The following CSMD1 variants were observed in gnomAD, a reference collection of about 807,000 sequenced individuals.
CSMD1 encodes the protein CUB and Sushi multiple domains 1, also known as CUB and sushi domain-containing protein 1.
A neutral mutation model predicts 417.5 loss-of-function variants in CSMD1; 213 were observed. That is an observed-to-expected ratio of 0.51 (90% confidence interval 0.46 to 0.57). The LOEUF (loss-of-function observed/expected upper bound fraction) is 0.57, where lower values mean the gene tolerates loss of function less well. CSMD1 is among the 20% of genes least tolerant of loss of function. The pLI is 0.00. For missense variants in CSMD1, 6,923 were observed against 4,529.7 expected (o/e 1.53, Z -15.17); for synonymous variants, 2,862 against 1,736.8 (o/e 1.65, Z -16.11).
At chr8:3,444,563 G>A (rs28419735) in intron 12 of CSMD1, among the ~76,000 whole-genome samples, 14,008 of 152,144 alleles carry the variant, frequency 0.092, 739 homozygotes, top group Middle Eastern at 0.14. Flanking sequence ...CTGAGGGTGA[G>A]GATGCTACTG....
At chr8:3,416,033 G>A (rs1231487418) in intron 12 of CSMD1, among the ~76,000 whole-genome samples, 6 of 152,046 alleles carry the variant, frequency 3.9e-5, no homozygotes, top group African/African-American at 7.2e-5. Context: ...TGGGCGCGGC[G>A]GCTCACACCT....
intron 1 of CSMD1, among the ~76,000 whole-genome samples, chr8:4,801,964 A>C (rs1005857253): frequency 6.6e-6 from 1 of 152,126 alleles, no homozygotes; most frequent in Non-Finnish European, 1.5e-5. Flanking sequence ...TCTTCCTTTC[A>C]TATTTACTGC....
At chr8:3,230,344 T>G in intron 26 of CSMD1, 113 bp from the exon 27 acceptor site, 1 of 730,966 alleles carries the variant, frequency 1.4e-6, no homozygotes, top group Non-Finnish European at 2.1e-6. Context: ...AATAAGTCAT[T>G]TGTCTACACA....
intron 2 of CSMD1, among the ~76,000 whole-genome samples, chr8:4,433,193 G>C (rs537981018): frequency 1.1e-4 from 17 of 152,138 alleles, no homozygotes; most frequent in African/African-American, 4.1e-4. Context: ...TAACTATTTC[G>C]TTGTGTATTA....
At chr8:4,780,662 C>T (rs1052517287) in intron 1 of CSMD1, among the ~76,000 whole-genome samples, 1 of 151,878 alleles carries the variant, frequency 6.6e-6, no homozygotes, top group African/African-American at 2.4e-5. Flanking sequence ...CCTGGTGCAC[C>T]CATCACCCGA....
At chr8:4,369,167 A>T (rs1182419551) in intron 3 of CSMD1, among the ~76,000 whole-genome samples, 1 of 152,064 alleles carries the variant, frequency 6.6e-6, no homozygotes, top group African/African-American at 2.4e-5. Flanking sequence ...ACTGGTTTCA[A>T]AAACTTTTTT....
intron 3 of CSMD1, among the ~76,000 whole-genome samples, chr8:4,395,389 T>C (rs1304680693): frequency 2.6e-5 from 4 of 152,060 alleles, no homozygotes; most frequent in Non-Finnish European, 5.9e-5. Context: ...CTGGTCCAGC[T>C]AGCCAGGCTC....
chr8:4,911,185 C>T (rs1376633889), intron 1 of CSMD1, among the ~76,000 whole-genome samples: 92 of 152,166 alleles, frequency 6.0e-4, no homozygotes, highest in African/African-American at 1.4e-4. Context: ...TGGACTAATA[C>T]CAATGCACAT....
At chr8:3,977,121 C>A (rs1336298547) in intron 5 of CSMD1, among the ~76,000 whole-genome samples, 1 of 152,120 alleles carries the variant, frequency 6.6e-6, no homozygotes, top group Non-Finnish European at 1.5e-5. Context: ...ATTATAAAAT[C>A]CTCAGATGAA....
intron 3 of CSMD1, among the ~76,000 whole-genome samples, chr8:4,415,272 C>G (rs1262221745): frequency 1.3e-5 from 2 of 152,172 alleles, no homozygotes; most frequent in African/African-American, 4.8e-5. Flanking sequence ...ACCCCCTCCT[C>G]CTGTAAACCA....
chr8:3,867,075 T>G (rs1232657551), intron 5 of CSMD1, among the ~76,000 whole-genome samples: 1 of 152,192 alleles, frequency 6.6e-6, no homozygotes, highest in Non-Finnish European at 1.5e-5. Context: ...TTCCAACCAG[T>G]TTTTTAAAAA....
At chr8:4,527,850 T>C (rs952936718) in intron 2 of CSMD1, among the ~76,000 whole-genome samples, 1 of 152,302 alleles carries the variant, frequency 6.6e-6, no homozygotes, top group South Asian at 2.1e-4. Flanking sequence ...TGTCTTTAAA[T>C]GGAATGACGT....
intron 3 of CSMD1, among the ~76,000 whole-genome samples, chr8:4,165,232 C>T (rs998854117): frequency 6.6e-6 from 1 of 152,208 alleles, no homozygotes; most frequent in African/African-American, 2.4e-5. Context: ...TGTCACTGTT[C>T]TTTTCAAAAG....
At chr8:3,623,680 T>C (rs919205243) in intron 7 of CSMD1, among the ~76,000 whole-genome samples, 1 of 152,118 alleles carries the variant, frequency 6.6e-6, no homozygotes, top group African/African-American at 2.4e-5. Flanking sequence ...GAGTTAAGAA[T>C]GAGCTGACTC....
At chr8:4,466,798 A>C (rs928402747) in intron 2 of CSMD1, among the ~76,000 whole-genome samples, 1 of 152,184 alleles carries the variant, frequency 6.6e-6, no homozygotes, top group African/African-American at 2.4e-5. Flanking sequence ...AAATCCATAG[A>C]AAAATAACAA....
intron 10 of CSMD1, among the ~76,000 whole-genome samples, chr8:3,562,412 G>T: frequency 7.2e-6 from 1 of 138,804 alleles, no homozygotes; most frequent in African/African-American, 2.7e-5. Flanking sequence ...ACACACACAT[G>T]CACAAACACA....
At chr8:4,105,226 G>A (rs746139106) in intron 3 of CSMD1, among the ~76,000 whole-genome samples, 2 of 151,982 alleles carry the variant, frequency 1.3e-5, no homozygotes, top group Non-Finnish European at 2.9e-5. Flanking sequence ...CTCACATAAC[G>A]TCAAAGGAAA....
intron 1 of CSMD1, among the ~76,000 whole-genome samples, chr8:4,920,023 G>C (rs1432470312): frequency 3.9e-5 from 6 of 152,120 alleles, no homozygotes; most frequent in African/African-American, 1.2e-4. Context: ...GTTAGTCCCA[G>C]GTATTTTGCT....
chr8:4,735,553 C>T lies in CSMD1; in HGVS notation c.86-97995G>A, dbSNP rs114843426. 9.5e-3 allele frequency among the ~76,000 whole-genome samples: 1,451 copies of T among 152,226 alleles called. 19 individuals carry two copies. Among genetic ancestry groups the T allele is most frequent in the African/African-American group, 0.025 (1,050 of 41,530 alleles). On this transcript the variant is annotated intron_variant, in intron 1 of 69. Coordinates refer to ENST00000635120, the MANE Select transcript of CSMD1 (RefSeq NM_033225.6). ...ATAATTCACCTTTTTAAGGTCTCTT[C>T]CCTAGAAGCCCACATACAGCTAAGA...
Sources: allele counts gnomAD v4.1 joint callset (sites outside exome capture counted in the v4.1 genomes callset), GRCh38; gene constraint gnomAD v4.1.1; transcripts MANE v1.5; gene names NCBI Gene and HGNC (gene_info 2026-07-23, HGNC 2026-07-21).